Variants in UTP20 observed in about 807,000 individuals in gnomAD.
UTP20 encodes the protein small subunit processome component 20 homolog.
Under a neutral mutation model 329.5 loss-of-function variants are expected in UTP20, and 164 were observed. That is an observed-to-expected ratio of 0.50 (90% confidence interval 0.44 to 0.57). UTP20 has a LOEUF of 0.57. Among genes scored for constraint, UTP20 ranks in the 20% least tolerant of loss-of-function variants. The pLI is 0.00. For synonymous variants in UTP20, 1,151 were observed against 1,159.3 expected, an observed-to-expected ratio of 0.99 and a Z score of 0.14; for missense variants, 3,055 against 3,284.2, an observed-to-expected ratio of 0.93 and a Z score of 1.71.
At chr12:101,346,805 C>T (rs1869340499) in intron 38 of UTP20, among the ~76,000 whole-genome samples, 1 of 152,096 alleles carries the variant, frequency 6.6e-6, no homozygotes, top group Non-Finnish European at 1.5e-5. Flanking sequence ...CTCACAAAGG[C>T]CGAGCGCAAA....
At chr12:101,364,742 A>G (rs12309686) in intron 45 of UTP20, among the ~76,000 whole-genome samples, 3,477 of 152,306 alleles carry the variant, frequency 0.023, 143 homozygotes, top group African/African-American at 0.08. Context: ...TTCTGGTGCT[A>G]GATGAACTCC....
At chr12:101,317,306 A>T (rs559166707) in intron 21 of UTP20, among the ~76,000 whole-genome samples, 172 bp from the exon 22 acceptor site, 1 of 152,330 alleles carries the variant, frequency 6.6e-6, no homozygotes, top group South Asian at 2.1e-4. Flanking sequence ...TAGCATACTA[A>T]AGAAGGACCA....
chr12:101,294,772 G>A (rs1188813499), intron 11 of UTP20, among the ~76,000 whole-genome samples: 2 of 151,730 alleles, frequency 1.3e-5, no homozygotes, highest in Non-Finnish European at 2.9e-5. Context: ...CTTAACTCCT[G>A]ACCTCAGATG....
At position 101,281,184 on chromosome 12, in the gene UTP20, A is replaced by C. The variant is rs1370133097; in HGVS notation, c.114A>C (p.Ala38=). The C allele has an allele frequency of 6.2e-7, 1 of 1,613,330 alleles. No individual in the cohort carries two copies. Among genetic ancestry groups the C allele is most frequent in the South Asian group, 1.1e-5 (1 of 90,992 alleles). ...IDIIHRIDRT[A]SYEEEVETYF... Reference sequence around the variant, plus strand: ...TTATTCACCGGATTGATAGAACTGCAAGCTATGAGGAGGTAAGAGAATGTG... The same window carrying C: ...TTATTCACCGGATTGATAGAACTGCCAGCTATGAGGAGGTAAGAGAATGTG... The change falls in exon 2 of 62, where the codon GCA becomes GCC. Residue 38 remains alanine, a synonymous_variant. Coordinates refer to ENST00000261637, the MANE Select transcript of UTP20 (RefSeq NM_014503.3).
At chr12:101,327,871 C>G (rs919790099) in intron 26 of UTP20, among the ~76,000 whole-genome samples, 1 of 151,498 alleles carries the variant, frequency 6.6e-6, no homozygotes, top group Non-Finnish European at 1.5e-5. Flanking sequence ...ATGACAGACC[C>G]ATTTACTTAT....
chr12:101,292,024 C>T lies in UTP20; in HGVS notation c.1093C>T (p.Leu365Phe), dbSNP rs778432035. ...TCTCTCCACATCTTGCTGGGAGACC[C>T]TCTTGGATGTAATTTCTGCTTTGAT... ...ASLSTSCWET[L>F]LDVISALILG... Residue 365 changes from leucine to phenylalanine, a missense_variant, in exon 10 of 62, where the codon CTC (leucine) becomes TTC (phenylalanine). Physicochemically the swap from Leu to Phe is conservative, Grantham distance 22. This residue lies in a region of UTP20 where 2,445 missense variants were observed against 2,575.5 expected (regional missense o/e 0.95). Coordinates refer to ENST00000261637, the MANE Select transcript of UTP20 (RefSeq NM_014503.3). 6.2e-7 allele frequency: 1 copy of T among 1,614,122 alleles called. No homozygotes were observed. Among genetic ancestry groups the T allele is most frequent in the South Asian group, 1.1e-5 (1 of 91,076 alleles).
At chr12:101,382,843 C>G (rs1260699688) in intron 58 of UTP20, among the ~76,000 whole-genome samples, 198 bp from the exon 59 acceptor site, 1 of 144,806 alleles carries the variant, frequency 6.9e-6, no homozygotes, top group African/African-American at 2.6e-5. Context: ...CAGAGTGAGG[C>G]TCTGTCTTTA....
chr12:101,367,827 A>G (rs755865537), intron 47 of UTP20, 33 bp from the exon 48 acceptor site: 4 of 1,423,982 alleles, frequency 2.8e-6, no homozygotes, highest in East Asian at 2.3e-5. Flanking sequence ...CTAATGGGCA[A>G]CTAATGTGAA....
rs1272345098 is a variant in UTP20 at position 101,329,367 on chromosome 12, T to G, written c.3335T>G (p.Ile1112Ser). ...EIVLKNISHL[I>S]SAYLPKILQI... ...GTATTGAAAAACATTAGTCATCTGA[T>G]CAGCGCATACCTGCCGAAGATTTTG... Residue 1112 changes from isoleucine (I) to serine (S), a missense_variant, in exon 27 of 62, where the codon ATC becomes AGC. Coordinates refer to ENST00000261637, the MANE Select transcript of UTP20 (RefSeq NM_014503.3). The G allele has an allele frequency of 6.2e-7, 1 of 1,614,124 alleles. No individual in the cohort carries two copies. Among genetic ancestry groups the G allele is most frequent in the Non-Finnish European group, 8.5e-7 (1 of 1,180,006 alleles).
chr12:101,283,123 G>A lies in UTP20; in HGVS notation c.126+1927G>A, dbSNP rs146959029. On this transcript the variant is annotated intron_variant, in intron 2 of 61. Transcript: ENST00000261637. ...ATCTGGAGTATAGGTGACTTCAGAG[G>A]TGAAATTACAGATTTGGCATTTAGA... 1.5e-3 allele frequency among the ~76,000 whole-genome samples: 232 copies of A among 152,320 alleles called. 1 individual carries two copies. The highest frequency in any genetic ancestry group is 5.4e-3 in the African/African-American group (226 of 41,568).
chr12:101,316,383 G>T (rs760142674), intron 21 of UTP20, among the ~76,000 whole-genome samples: 1 of 152,236 alleles, frequency 6.6e-6, no homozygotes, highest in Non-Finnish European at 1.5e-5. Context: ...TATGTAATGT[G>T]TGGTTAATTG....
chr12:101,322,104 C>T (rs1868385849), intron 25 of UTP20, among the ~76,000 whole-genome samples: 2 of 152,096 alleles, frequency 1.3e-5, no homozygotes, highest in African/African-American at 2.4e-5. Flanking sequence ...ATTCTTGTGC[C>T]TCAGCCTCCT....
rs765991104 is a variant in UTP20, at chr12:101,365,634, G to GA, written c.6125+17dup. 4.9e-5 allele frequency: 75 copies of GA among 1,541,638 alleles called. No homozygotes were observed. The highest frequency in any genetic ancestry group is 1.4e-4 in the Admixed American group (6 of 44,412). ...TTAACAGAGAAAGAAAAGTAAGTTG[G>GA]AAAAAAAACAAACTGTCATTTAGGT... On this transcript the variant is annotated intron_variant, in intron 46 of 61. Transcript: ENST00000261637.
chr12:101,304,464 G>A (rs560867885), intron 15 of UTP20, among the ~76,000 whole-genome samples: 6 of 152,246 alleles, frequency 3.9e-5, no homozygotes, highest in African/African-American at 9.6e-5. Flanking sequence ...ACTGTTATCA[G>A]TATAGATGGA....
chr12:101,308,071 A>G (rs1218312322), intron 17 of UTP20, 114 bp from the exon 18 acceptor site: 1 of 928,472 alleles, frequency 1.1e-6, no homozygotes, highest in Non-Finnish European at 1.5e-6. Flanking sequence ...ATTTCATTAA[A>G]AATATTAACA....
chr12:101,311,622 T>G, intron 19 of UTP20, 97 bp from the exon 20 acceptor site: 2 of 1,107,332 alleles, frequency 1.8e-6, no homozygotes, highest in Non-Finnish European at 2.6e-6. Flanking sequence ...CTAATTGACA[T>G]TTTAGTTATA....
chr12:101,374,573 T>A (rs1870410890), intron 54 of UTP20, among the ~76,000 whole-genome samples: 1 of 152,212 alleles, frequency 6.6e-6, no homozygotes. Flanking sequence ...AAAATTAAAG[T>A]ATTCACTGGA....
intron 38 of UTP20, among the ~76,000 whole-genome samples, chr12:101,349,848 T>G (rs1396842478): frequency 6.6e-6 from 1 of 152,160 alleles, no homozygotes; most frequent in African/African-American, 2.4e-5. Flanking sequence ...GTTCCATAAC[T>G]CAGAGACTTT....
At chr12:101,360,831 A>G (rs1382831644) in intron 43 of UTP20, among the ~76,000 whole-genome samples, 2 of 152,182 alleles carry the variant, frequency 1.3e-5, no homozygotes, top group African/African-American at 2.4e-5. Flanking sequence ...TCTGCCTCCA[A>G]AAAAATAAAA....
Sources: gnomAD v4.1 joint callset for allele counts (sites outside exome capture counted in the v4.1 genomes callset) on GRCh38, gnomAD v4.1.1 for gene constraint, gnomAD v4.1.1 regional missense constraint, MANE v1.5 for transcripts, NCBI Gene and HGNC (gene_info 2026-07-23, HGNC 2026-07-21) for gene names.